The following PDE11A variants were observed in gnomAD, a reference collection of about 807,000 sequenced individuals.
PDE11A encodes the protein dual 3',5'-cyclic-AMP and -GMP phosphodiesterase 11A.
Under a neutral mutation model 100.5 loss-of-function variants are expected in PDE11A, and 100 were observed. The ratio of observed to expected loss-of-function variants is 1.00; its 90% CI spans 0.85 to 1.18. The LOEUF (loss-of-function observed/expected upper bound fraction) is 1.18, where lower values mean the gene tolerates loss of function less well. Among genes scored for constraint, PDE11A ranks in the 50% most tolerant of loss-of-function variants. The pLI is 0.00. For missense variants in PDE11A, 1,141 were observed against 1,152.6 expected, an observed-to-expected ratio of 0.99 and a Z score of 0.15; for synonymous variants, 381 against 420.8, an observed-to-expected ratio of 0.91 and a Z score of 1.16.
intron 9 of PDE11A, among the ~76,000 whole-genome samples, chr2:177,809,205 C>T (rs948367652): frequency 1.3e-5 from 2 of 152,086 alleles, no homozygotes; most frequent in Admixed American, 6.6e-5. Flanking sequence ...TGCACAACAA[C>T]GTGAATGTAC....
chr2:177,797,326 C>T (rs1461118689), intron 9 of PDE11A: 1 of 152,178 alleles, frequency 6.6e-6, no homozygotes, highest in South Asian at 2.1e-4. Context: ...CTACTTCTAG[C>T]TGTGAAATGC....
chr2:177,919,168 G>A (rs1380189605), intron 2 of PDE11A, among the ~76,000 whole-genome samples: 1 of 137,782 alleles, frequency 7.3e-6, no homozygotes, highest in Non-Finnish European at 1.6e-5. Flanking sequence ...CATGATCATG[G>A]CTCACTGCAA....
chr2:177,926,175 T>G (rs2085122109), intron 2 of PDE11A, among the ~76,000 whole-genome samples: 1 of 152,232 alleles, frequency 6.6e-6, no homozygotes. Flanking sequence ...CAACATCTCA[T>G]AGATAGCCAT....
rs1223910635 is a variant in PDE11A at position 177,625,793 on chromosome 2, T to C, written c.*3614A>G. ...CTCACATTCTTGCAAAATTATAAAT[T>C]GTTTAGAAAAGGGATTAAAAACGCC... On this transcript the variant is annotated 3_prime_UTR_variant, in exon 20 of 20. Coordinates refer to ENST00000286063, the MANE Select transcript of PDE11A (RefSeq NM_016953.4). 3.9e-5 allele frequency: 6 copies of C among 152,628 alleles called. No homozygotes were observed. In the East Asian group the frequency reaches 9.6e-4, roughly 25 times the overall value. 9.5% of individuals were successfully genotyped at this position (152,628 alleles called of 1,614,324 possible). A position where few individuals can be genotyped will look rare whatever the true frequency, so the allele number is the denominator to read the frequency against.
intron 16 of PDE11A, among the ~76,000 whole-genome samples, chr2:177,678,235 C>T (rs2105501560): frequency 6.6e-6 from 1 of 152,266 alleles, no homozygotes; most frequent in East Asian, 1.9e-4. Context: ...AATATGAGTT[C>T]TGCAAGGTTA....
intron 2 of PDE11A, among the ~76,000 whole-genome samples, chr2:178,011,174 T>A (rs1050209406): frequency 1.3e-5 from 2 of 152,050 alleles, no homozygotes; most frequent in Admixed American, 1.3e-4. Flanking sequence ...GCACGGCATT[T>A]TAGGTAATGA....
intron 10 of PDE11A, among the ~76,000 whole-genome samples, chr2:177,761,121 C>T (rs762975817): frequency 6.6e-6 from 1 of 152,108 alleles, no homozygotes; most frequent in Non-Finnish European, 1.5e-5. Flanking sequence ...GCTGAATCAA[C>T]TAAGAGTTAA....
At chr2:178,035,105 A>T (rs903119024) in intron 1 of PDE11A, among the ~76,000 whole-genome samples, 1 of 152,160 alleles carries the variant, frequency 6.6e-6, no homozygotes, top group African/African-American at 2.4e-5. Flanking sequence ...TTTTTTAAAC[A>T]TTAACAAAAT....
intron 12 of PDE11A, among the ~76,000 whole-genome samples, chr2:177,721,677 A>C (rs956820055): frequency 6.6e-6 from 1 of 152,098 alleles, no homozygotes; most frequent in South Asian, 2.1e-4. Context: ...AATATAATTT[A>C]TATTTTATTT....
chr2:177,735,200 G>T (rs191981030), intron 10 of PDE11A, among the ~76,000 whole-genome samples: 3 of 152,160 alleles, frequency 2.0e-5, no homozygotes, highest in South Asian at 2.1e-4. Context: ...TCGGCTTCAC[G>T]TTCCTGCCTT....
chr2:178,074,066 C>T (rs1224794085), upstream of PDE11A, among the ~76,000 whole-genome samples: 4 of 152,086 alleles, frequency 2.6e-5, no homozygotes, highest in Admixed American at 6.6e-5. Flanking sequence ...AGCACTGACA[C>T]GTGCTAGTAC....
intron 2 of PDE11A, among the ~76,000 whole-genome samples, chr2:178,006,806 C>T (rs1003540193): frequency 2.6e-5 from 2 of 76,922 alleles, no homozygotes; most frequent in Non-Finnish European, 5.2e-5. Context: ...TCACTTAATT[C>T]CATTTCTGTC....
chr2:177,676,556 C>T (rs2080777635), intron 16 of PDE11A, among the ~76,000 whole-genome samples: 1 of 150,928 alleles, frequency 6.6e-6, no homozygotes, highest in South Asian at 2.1e-4. Flanking sequence ...GAAACCCCTC[C>T]AGGGAACAAG....
In PDE11A at chr2:177,925,350, T is replaced by C. The variant is rs1402315004; in HGVS notation, c.1072-20163A>G. On this transcript the variant is annotated intron_variant, in intron 2 of 19. Coordinates refer to ENST00000286063, the MANE Select transcript of PDE11A (RefSeq NM_016953.4). ...AACTAGTTTACAGTCCCACCAACAG[T>C]GTAAAAGTGTTCCTATTTCTCCACA... 7.9e-5 allele frequency among the ~76,000 whole-genome samples: 12 copies of C among 151,742 alleles called. No individual in the cohort carries two copies. The East Asian group carries it at 2.1e-3, about 27-fold the overall frequency.
chr2:177,899,663 A>G (rs1396667505), intron 3 of PDE11A: 1 of 189,032 alleles, frequency 5.3e-6, no homozygotes, highest in African/African-American at 2.6e-5. Flanking sequence ...TATGTAATTT[A>G]CATTTAGTCT....
chr2:177,899,392 G>A (rs376516439), intron 3 of PDE11A: 24 of 187,332 alleles, frequency 1.3e-4, no homozygotes, highest in African/African-American at 4.5e-4. Context: ...GGACAACAGA[G>A]TGAGACTCTT....
intron 2 of PDE11A, among the ~76,000 whole-genome samples, chr2:177,925,303 A>C (rs2085111278): frequency 6.6e-6 from 1 of 152,016 alleles, no homozygotes; most frequent in Non-Finnish European, 1.5e-5. Flanking sequence ...AGGAATCTCC[A>C]CACTGACTTC....
chr2:178,022,232 G>T (rs2086421856), intron 1 of PDE11A, among the ~76,000 whole-genome samples: 1 of 152,144 alleles, frequency 6.6e-6, no homozygotes, highest in African/African-American at 2.4e-5. Context: ...GAATAGAACT[G>T]ATTCTATGCT....
intron 18 of PDE11A, 110 bp downstream of exon 18, chr2:177,669,383 C>A: frequency 1.4e-6 from 1 of 713,518 alleles, no homozygotes. Flanking sequence ...TTCAGGAGTG[C>A]TTCCTTAAAC....
Sources: allele counts gnomAD v4.1 joint callset (sites outside exome capture counted in the v4.1 genomes callset), GRCh38; gene constraint gnomAD v4.1.1; transcripts MANE v1.5; gene names NCBI Gene and HGNC (gene_info 2026-07-23, HGNC 2026-07-21).